Variants in NADSYN1 observed in about 807,000 individuals in gnomAD.
NADSYN1 encodes NAD synthetase 1, also known as glutamine-dependent NAD(+) synthetase.
In NADSYN1, 80 loss-of-function variants were observed where a neutral mutation model predicts 99.3. That is an observed-to-expected ratio of 0.81 (90% CI 0.67 to 0.97). The LOEUF (loss-of-function observed/expected upper bound fraction) is 0.97. Among genes scored for constraint, NADSYN1 ranks in the 50% least tolerant of loss-of-function variants. The pLI, the probability that NADSYN1 is intolerant of heterozygous loss-of-function variation, is 0.00. For synonymous variants in NADSYN1, 385 were observed against 372.1 expected (o/e 1.03, Z -0.40); for missense variants, 859 against 948.5 (o/e 0.91, Z 1.24).
In NADSYN1 at chr11:71,482,880, C is replaced by T. The variant is rs374518333; in HGVS notation, c.1182C>T (p.Ile394=). 14 of 1,612,896 alleles carry T rather than the reference C, an allele frequency of 8.7e-6. No homozygotes were observed. Among genetic ancestry groups the T allele is most frequent in the Middle Eastern group, 3.5e-4 (2 of 5,666 alleles). Residue 394 remains isoleucine (I), a synonymous_variant, in exon 14 of 21, where the codon ATC becomes ATT. Coordinates refer to ENST00000319023, the MANE Select transcript of NADSYN1 (RefSeq NM_018161.5). Reference sequence around the variant, plus strand: ...AAGTGCTGGCTGATGTCCGCACCATCGTGAACCAGATCAGCTACACCCCCC... The same window carrying T: ...AAGTGCTGGCTGATGTCCGCACCATTGTGAACCAGATCAGCTACACCCCCC... ...NEEVLADVRT[I]VNQISYTPQD...
chr11:71,457,238 C>T (rs1949520312), intron 2 of NADSYN1, among the ~76,000 whole-genome samples: 1 of 152,276 alleles, frequency 6.6e-6, no homozygotes, highest in Admixed American at 6.5e-5. Flanking sequence ...CCATTCCCTA[C>T]TGGGACATCT....
chr11:71,473,450 C>T, intron 7 of NADSYN1, 84 bp downstream of exon 7: 2 of 1,453,492 alleles, frequency 1.4e-6, no homozygotes, highest in Non-Finnish European at 9.6e-7. Context: ...CGTCCTGGGG[C>T]CGTGGCCGTG....
intron 11 of NADSYN1, 117 bp downstream of exon 11, chr11:71,480,996 A>G: frequency 9.1e-6 from 13 of 1,421,582 alleles, no homozygotes; most frequent in Non-Finnish European, 1.2e-5. Context: ...GGGGACTTGC[A>G]GAAGGCAACT....
chr11:71,497,691 A>G (rs1949829660), intron 19 of NADSYN1, 80 bp downstream of exon 19: 1 of 1,561,366 alleles, frequency 6.4e-7, no homozygotes, highest in Non-Finnish European at 8.8e-7. Flanking sequence ...ACCTGTAGGA[A>G]CAAGTAGATA....
chr11:71,500,763 TC>T lies in NADSYN1; in HGVS notation c.2071-535del, dbSNP rs146257282. 2.5e-3 allele frequency among the ~76,000 whole-genome samples: 384 copies of T among 152,178 alleles called. 10 individuals carry two copies. The East Asian group carries it at 0.06, about 24-fold the overall frequency. On this transcript the variant is annotated intron_variant, in intron 20 of 20. Transcript: ENST00000319023. ...CAGGCCAGGTGGCTGCTGCCCTATA[TC>T]CCCTGCTGTGGCTGGACGGAGCCCA...
At chr11:71,476,532 C>T (rs149005093) in intron 9 of NADSYN1, 4,495 of 448,076 alleles carry the variant, frequency 0.01, 28 homozygotes, top group Middle Eastern at 0.012. Context: ...AAGAATTCCA[C>T]GGTCTTTTCA....
Position 71,477,477 on chromosome 11 carries a change from G to A in NADSYN1, c.799-918G>A, listed in dbSNP as rs149318020. 3,752 of 1,282,584 alleles carry A rather than the reference G, an allele frequency of 2.9e-3. 84 individuals are homozygous for A. In the African/African-American group the frequency reaches 0.052, roughly 18 times the overall value. The allele number at this position is 1,282,584 out of a possible 1,614,324, so 79.5% of individuals were successfully genotyped here. ...TTACGGCGGTAGGAGCAAGGGGCGCGCAAGGTGGCCACGGCCATCCTGTGA... is the reference window on the plus strand; with the variant it reads ...TTACGGCGGTAGGAGCAAGGGGCGCACAAGGTGGCCACGGCCATCCTGTGA... On this transcript the variant is annotated intron_variant, in intron 9 of 20. Transcript: ENST00000319023.
intron 14 of NADSYN1, among the ~76,000 whole-genome samples, chr11:71,483,666 C>A (rs943805826): frequency 2.6e-5 from 4 of 152,168 alleles, no homozygotes; most frequent in Non-Finnish European, 4.4e-5. Flanking sequence ...TGTCCCCATG[C>A]CCTCCAGTGA....
intron 17 of NADSYN1, 60 bp from the exon 18 acceptor site, chr11:71,491,774 C>T (rs939585354): frequency 4.2e-5 from 63 of 1,513,204 alleles, no homozygotes; most frequent in Non-Finnish European, 5.4e-5. Flanking sequence ...GGGATTCTCT[C>T]CCAGAGCTCA....
chr11:71,460,545 G>C (rs755741416), intron 3 of NADSYN1, among the ~76,000 whole-genome samples: 5 of 152,136 alleles, frequency 3.3e-5, no homozygotes, highest in Non-Finnish European at 4.4e-5. Context: ...CATAGAGACA[G>C]GGTCTCGCTA....
intron 15 of NADSYN1, 26 bp downstream of exon 15, chr11:71,484,473 C>A (rs1307219686): frequency 6.2e-7 from 1 of 1,604,316 alleles, no homozygotes; most frequent in Admixed American, 1.7e-5. Context: ...CCGGCGTCCC[C>A]TGGGGGTGGG....
intron 7 of NADSYN1, 76 bp downstream of exon 7, chr11:71,473,442 TC>T: frequency 1.3e-6 from 2 of 1,561,260 alleles, no homozygotes; most frequent in Non-Finnish European, 1.8e-6. Context: ...ACTGCAGACG[TC>T]CTGGGGCCGT....
At chr11:71,483,950 C>G (rs1949725583) in intron 14 of NADSYN1, among the ~76,000 whole-genome samples, 1 of 152,186 alleles carries the variant, frequency 6.6e-6, no homozygotes, top group African/African-American at 2.4e-5. Context: ...CACACCAGGC[C>G]ACATGGTGTT....
In NADSYN1 at chr11:71,490,955, T is replaced by A. The variant is rs1183830412; in HGVS notation, c.1673T>A (p.Phe558Tyr). The change falls in exon 17 of 21, where the codon TTC becomes TAC. Residue 558 changes from phenylalanine to tyrosine, a missense_variant. Physicochemically the swap from Phe to Tyr is conservative, Grantham distance 22. Transcript: ENST00000319023. Reference sequence around the variant, plus strand: ...TTCGTCCAGTTCTGCATCCAGCGCTTCCAGCTTCCTGCCCTGCAGAGGTGA... The same window carrying A: ...TTCGTCCAGTTCTGCATCCAGCGCTACCAGCTTCCTGCCCTGCAGAGGTGA... ...RAFVQFCIQR[F>Y]QLPALQSILL... is the part of the protein sequence containing the mutation. The A allele has an allele frequency of 3.7e-6, 6 of 1,614,070 alleles. No homozygotes were observed. The highest frequency in any genetic ancestry group is 5.1e-6 in the Non-Finnish European group (6 of 1,180,026).
At chr11:71,491,783 C>G (rs1029230452) in intron 17 of NADSYN1, 51 bp from the exon 18 acceptor site, 2 of 1,562,144 alleles carry the variant, frequency 1.3e-6, no homozygotes, top group African/African-American at 1.4e-5. Context: ...TCCCAGAGCT[C>G]ACACCACCCT....
chr11:71,455,445 C>T (rs996366574), intron 2 of NADSYN1: 8 of 443,844 alleles, frequency 1.8e-5, no homozygotes, highest in Non-Finnish European at 3.2e-5. Context: ...GTTACCACTG[C>T]CCTTTTGCTG....
At chr11:71,458,308 T>C (rs1181579995) in intron 2 of NADSYN1, 120 bp from the exon 3 acceptor site, 3 of 736,114 alleles carry the variant, frequency 4.1e-6, no homozygotes, top group Admixed American at 4.1e-5. Context: ...CCTGGAAGGC[T>C]TTGAGAAAAC....
At position 71,484,331 on chromosome 11, in the gene NADSYN1, A is replaced by G. The variant is rs1329407433; in HGVS notation, c.1339A>G (p.Ile447Val). 1 of 1,613,988 alleles carries G rather than the reference A, an allele frequency of 6.2e-7. No homozygotes were observed. Among genetic ancestry groups the G allele is most frequent in the East Asian group, 2.2e-5 (1 of 44,888 alleles). The change falls in exon 15 of 21, where the codon ATC becomes GTC. Residue 447 changes from isoleucine to valine, a missense_variant. By Grantham distance (29) the Ile-to-Val change is conservative. Transcript: ENST00000319023. Reference sequence around the variant, plus strand: ...TTCCAGCCACCACATCAGTCTCAACATCGATCCAGCCGTGAAGGCCGTCAT... The same window carrying G: ...TTCCAGCCACCACATCAGTCTCAACGTCGATCCAGCCGTGAAGGCCGTCAT... ...QIGSHHISLN[I>V]DPAVKAVMGI...
intron 3 of NADSYN1, among the ~76,000 whole-genome samples, chr11:71,461,498 G>A (rs1344922444): frequency 2.0e-5 from 3 of 152,040 alleles, no homozygotes; most frequent in South Asian, 2.1e-4. Flanking sequence ...GTGCGATCTC[G>A]GCTCACTGCA....
Sources: allele counts gnomAD v4.1 joint callset (sites outside exome capture counted in the v4.1 genomes callset), GRCh38; gene constraint gnomAD v4.1.1; transcripts MANE v1.5; gene names NCBI Gene and HGNC (gene_info 2026-07-23, HGNC 2026-07-21).